Variants in CEP85L observed in about 807,000 individuals in gnomAD.
CEP85L encodes centrosomal protein 85L.
Under a neutral mutation model 100.3 loss-of-function variants are expected in CEP85L, and 60 were observed. The ratio of observed to expected loss-of-function variants is 0.60; its 90% confidence interval spans 0.49 to 0.74. The LOEUF is 0.74. CEP85L is among the 30% of genes least tolerant of loss of function. The probability of loss-of-function intolerance (pLI) is 0.00; values close to 1 mark genes in which losing one functional copy is unlikely to be tolerated. For synonymous variants in CEP85L, 319 were observed against 322.7 expected (o/e 0.99, Z 0.12); for missense variants, 973 against 936.2 (o/e 1.04, Z -0.51).
At chr6:118,498,221 G>T (rs903097902) in intron 5 of CEP85L, among the ~76,000 whole-genome samples, 1 of 152,044 alleles carries the variant, frequency 6.6e-6, no homozygotes, top group Admixed American at 6.6e-5. Flanking sequence ...ACTGGGAAAT[G>T]GTTGGCTCAT....
chr6:118,637,393 A>G (rs1296630799), intron 1 of CEP85L, among the ~76,000 whole-genome samples: 2 of 152,120 alleles, frequency 1.3e-5, no homozygotes, highest in East Asian at 1.9e-4. Flanking sequence ...AGCAAACCAC[A>G]TAAATCATCA....
chr6:118,646,822 C>A, intron 1 of CEP85L: 1 of 469,520 alleles, frequency 2.1e-6, no homozygotes, highest in South Asian at 9.1e-5. Flanking sequence ...CACATTTCAT[C>A]CAGTCTGAAA....
At chr6:118,519,172 A>G (rs1311251527) in intron 4 of CEP85L, among the ~76,000 whole-genome samples, 1 of 152,046 alleles carries the variant, frequency 6.6e-6, no homozygotes, top group Non-Finnish European at 1.5e-5. Flanking sequence ...GGGGAAAAAA[A>G]GGGCCAGGTG....
chr6:118,512,838 T>C (rs1158041292), intron 4 of CEP85L, among the ~76,000 whole-genome samples: 1 of 152,144 alleles, frequency 6.6e-6, no homozygotes, highest in Middle Eastern at 3.4e-3. Flanking sequence ...TTAAAATTCA[T>C]AATGCCTGGC....
At chr6:118,557,811 G>T (rs1203015610) in intron 3 of CEP85L, among the ~76,000 whole-genome samples, 1 of 152,174 alleles carries the variant, frequency 6.6e-6, no homozygotes, top group Non-Finnish European at 1.5e-5. Context: ...AGCACTCAGA[G>T]ATCCCACCGT....
At position 118,469,136 on chromosome 6, in the gene CEP85L, A is replaced by T; in HGVS notation, c.2190T>A (p.Cys730Ter). 6.2e-7 allele frequency: 1 copy of T among 1,614,054 alleles called. No homozygotes were observed. The highest frequency in any genetic ancestry group is 1.1e-5 in the South Asian group (1 of 91,082). Residue 730 changes from cysteine to a stop codon, truncating the protein, a stop_gained, in exon 12 of 13, where the codon TGT becomes TGA. Coordinates refer to ENST00000368491, the MANE Select transcript of CEP85L (RefSeq NM_001042475.3). LOFTEE classifies it high-confidence loss of function. Reference sequence around the variant, plus strand: ...CCTGAGCACGCTGATTAAGAATACTACACAATGCTTTCAAGTCAAACAAAC... The same window carrying T: ...CCTGAGCACGCTGATTAAGAATACTTCACAATGCTTTCAAGTCAAACAAAC... ...SCCLFDLKAL[C>*]SILNQRAQGK...
At chr6:118,706,968 C>T (rs996022050) in intron 1 of CEP85L, among the ~76,000 whole-genome samples, 4 of 152,178 alleles carry the variant, frequency 2.6e-5, no homozygotes, top group African/African-American at 7.2e-5. Flanking sequence ...TAACCATTCT[C>T]TTCAGTATCT....
intron 6 of CEP85L, among the ~76,000 whole-genome samples, chr6:118,487,605 T>G (rs1418686938): frequency 6.6e-6 from 1 of 152,176 alleles, no homozygotes; most frequent in African/African-American, 2.4e-5. Context: ...ATACAGCATA[T>G]GATCAGAAGG....
chr6:118,521,114 G>A (rs1001669941), intron 4 of CEP85L, among the ~76,000 whole-genome samples: 1 of 151,998 alleles, frequency 6.6e-6, no homozygotes, highest in Non-Finnish European at 1.5e-5. Flanking sequence ...GAAAGGTATC[G>A]CTGACCACAC....
chr6:118,498,637 AAGGG>A (rs1326822887), intron 5 of CEP85L, among the ~76,000 whole-genome samples: 1 of 146,358 alleles, frequency 6.8e-6, no homozygotes, highest in African/African-American at 2.5e-5. Flanking sequence ...GGAAAGGAAA[AAGGG>A]AGGAAAGGGA....
intron 1 of CEP85L, among the ~76,000 whole-genome samples, chr6:118,672,786 A>AGAAGGAGGAGGGG (rs1776350417): frequency 1.3e-5 from 2 of 149,710 alleles, no homozygotes; most frequent in Middle Eastern, 3.4e-3. Context: ...AGAAGAAAGA[A>AGAAGGAGGAGGGG]GAAGGAGGAG....
At chr6:118,567,863 G>T (rs183704089) in intron 2 of CEP85L, among the ~76,000 whole-genome samples, 1 of 152,284 alleles carries the variant, frequency 6.6e-6, no homozygotes, top group African/African-American at 2.4e-5. Context: ...CATTACAAAT[G>T]AAGGAATATA....
At position 118,632,264 on chromosome 6, in the gene CEP85L, T is replaced by C. The variant is rs1263838619; in HGVS notation, c.232+189A>G. Among the ~76,000 whole-genome samples, 3 of 152,194 alleles carry C rather than the reference T, an allele frequency of 2.0e-5. No homozygotes were observed. The East Asian group carries it at 5.8e-4, about 29-fold the overall frequency. ...TCAGCCTCCCAAAGTGCTGGGATTATAGGCATGAGCCACCGCGCCCGGTCG... is the reference window on the plus strand; with the variant it reads ...TCAGCCTCCCAAAGTGCTGGGATTACAGGCATGAGCCACCGCGCCCGGTCG... On this transcript the variant is annotated intron_variant, in intron 2 of 12. Transcript: ENST00000368491.
At chr6:118,685,631 A>C (rs551327625) in intron 1 of CEP85L, among the ~76,000 whole-genome samples, 2 of 152,302 alleles carry the variant, frequency 1.3e-5, no homozygotes, top group African/African-American at 4.8e-5. Context: ...ACTTTTTGAC[A>C]CTTTAGAAAT....
intron 3 of CEP85L, among the ~76,000 whole-genome samples, chr6:118,529,443 TA>T (rs1777156570): frequency 1.3e-5 from 2 of 151,522 alleles, no homozygotes; most frequent in African/African-American, 4.9e-5. Flanking sequence ...CCATCTCTAC[TA>T]AAAATACAAA....
At chr6:118,644,407 C>A (rs955079584) in intron 1 of CEP85L, among the ~76,000 whole-genome samples, 56 of 152,174 alleles carry the variant, frequency 3.7e-4, no homozygotes, top group African/African-American at 1.3e-3. Context: ...CTTTAAACAC[C>A]ATTTATAACC....
At chr6:118,596,081 T>C (rs936404245) in intron 2 of CEP85L, among the ~76,000 whole-genome samples, 1 of 152,136 alleles carries the variant, frequency 6.6e-6, no homozygotes, top group African/African-American at 2.4e-5. Context: ...TAGGTTATTC[T>C]AAAATGTTTG....
intron 1 of CEP85L, among the ~76,000 whole-genome samples, chr6:118,665,782 C>G (rs1776115613): frequency 6.6e-6 from 1 of 152,132 alleles, no homozygotes; most frequent in Non-Finnish European, 1.5e-5. Context: ...AATAAAAGTG[C>G]CTGATTGCCA....
intron 3 of CEP85L, among the ~76,000 whole-genome samples, chr6:118,529,472 G>C (rs943155402): frequency 4.0e-5 from 6 of 151,848 alleles, no homozygotes; most frequent in African/African-American, 1.5e-4. Context: ...GCTGTGCATG[G>C]TGGTGGGCAT....
Sources: allele counts gnomAD v4.1 joint callset (sites outside exome capture counted in the v4.1 genomes callset), GRCh38; gene constraint gnomAD v4.1.1; transcripts MANE v1.5; gene names NCBI Gene and HGNC (gene_info 2026-07-23, HGNC 2026-07-21).